The following SPART variants were observed in gnomAD, a reference collection of about 807,000 sequenced individuals.
SPART encodes spartin, also known as spastic paraplegia 20 (Troyer syndrome).
Under a neutral mutation model 58.7 loss-of-function variants are expected in SPART, and 35 were observed. That is an observed-to-expected ratio of 0.60 (90% CI 0.46 to 0.79). The LOEUF is 0.79. SPART is among the 30% of genes least tolerant of loss of function. The probability of loss-of-function intolerance (pLI) is 0.00; values close to 1 mark genes in which losing one functional copy is unlikely to be tolerated. For missense variants in SPART, 730 were observed against 786.1 expected (o/e 0.93, Z 0.85); for synonymous variants, 284 against 280.7 (o/e 1.01, Z -0.12).
chr13:36,342,241 T>C (rs1394028749), intron 1 of SPART, among the ~76,000 whole-genome samples: 1 of 152,224 alleles, frequency 6.6e-6, no homozygotes, highest in Non-Finnish European at 1.5e-5. Flanking sequence ...CTTGATGCAA[T>C]ATTACTATTA....
intron 5 of SPART, among the ~76,000 whole-genome samples, chr13:36,323,646 T>C (rs568704802): frequency 6.6e-6 from 1 of 152,342 alleles, no homozygotes; most frequent in Admixed American, 6.5e-5. Flanking sequence ...ATAGATCAGA[T>C]AATTTTCCCT....
chr13:36,304,247 GTA>G lies in SPART; in HGVS notation c.*116_*117del. The G allele has an allele frequency of 8.3e-7, 1 of 1,208,392 alleles. No homozygotes were observed. The highest frequency in any genetic ancestry group is 1.2e-6 in the Non-Finnish European group (1 of 833,416). The allele number at this position is 1,208,392 out of a possible 1,614,324, so 74.9% of individuals were successfully genotyped here. A position where few individuals can be genotyped will look rare whatever the true frequency, so the allele number is the denominator to read the frequency against. ...CCATAAAATTTATGAAAGTTAATTT[GTA>G]GGAATGAATACATTTAAAAAATACT... On this transcript the variant is annotated 3_prime_UTR_variant, in exon 9 of 9. Coordinates refer to ENST00000438666, the MANE Select transcript of SPART (RefSeq NM_015087.5).
intron 8 of SPART, 151 bp from the exon 9 acceptor site, chr13:36,304,783 C>G (rs1880343814): frequency 2.5e-6 from 2 of 789,704 alleles, no homozygotes; most frequent in Non-Finnish European, 3.9e-6. Flanking sequence ...ACTTAAAACA[C>G]AGTAGAGAAT....
intron 5 of SPART, among the ~76,000 whole-genome samples, chr13:36,315,938 A>G (rs1408639115): frequency 6.6e-6 from 1 of 152,242 alleles, no homozygotes; most frequent in Non-Finnish European, 1.5e-5. Flanking sequence ...GAAATATTAG[A>G]TGCAAATAAT....
At chr13:36,329,569 C>T in intron 3 of SPART, 52 bp from the exon 4 acceptor site, 1 of 1,578,828 alleles carries the variant, frequency 6.3e-7, no homozygotes, top group Non-Finnish European at 8.7e-7. Context: ...TCTTAGATGG[C>T]TTTCTGCCAG....
chr13:36,304,806 T>A (rs1880347677), intron 8 of SPART, among the ~76,000 whole-genome samples, 174 bp from the exon 9 acceptor site: 1 of 152,230 alleles, frequency 6.6e-6, no homozygotes, highest in Non-Finnish European at 1.5e-5. Flanking sequence ...AATCACACTC[T>A]GTGACAAAGC....
Position 36,331,500 on chromosome 13 carries a change from CT to C in SPART, c.906del (p.Ala303GlnfsTer25). ...AYMFPDTMLQ[A>X]AGCFVGVVLS... Reference sequence around the variant, plus strand: ...AGGACGACCCCCACAAAGCATCCTGCTGCTTGTAGCATTGTATCAGGAAACA... The same window carrying C: ...AGGACGACCCCCACAAAGCATCCTGCGCTTGTAGCATTGTATCAGGAAACA... On this transcript the variant is annotated frameshift_variant, in exon 3 of 9. Coordinates refer to ENST00000438666, the MANE Select transcript of SPART (RefSeq NM_015087.5). LOFTEE classifies it high-confidence loss of function. 6.2e-7 allele frequency: 1 copy of C among 1,613,928 alleles called. No homozygotes were observed. The highest frequency in any genetic ancestry group is 8.5e-7 in the Non-Finnish European group (1 of 1,179,916).
intron 1 of SPART, among the ~76,000 whole-genome samples, chr13:36,338,198 C>A (rs1423385928): frequency 6.6e-6 from 1 of 152,112 alleles, no homozygotes; most frequent in African/African-American, 2.4e-5. Flanking sequence ...ACATAAAAAT[C>A]ATTAAACTAT....
intron 1 of SPART, chr13:36,365,791 A>C (rs1335705379): frequency 3.2e-5 from 10 of 307,758 alleles, no homozygotes; most frequent in Non-Finnish European, 5.9e-5. Context: ...TGTGGAATGC[A>C]TGGGTGGACT....
chr13:36,358,967 GCTGA>G (rs1374945839), intron 1 of SPART, among the ~76,000 whole-genome samples: 1 of 152,134 alleles, frequency 6.6e-6, no homozygotes, highest in East Asian at 1.9e-4. Flanking sequence ...AAGGTCTTCT[GCTGA>G]CTGTTTTTTA....
intron 1 of SPART, chr13:36,365,810 AT>A: frequency 3.7e-6 from 1 of 273,610 alleles, no homozygotes; most frequent in Non-Finnish European, 7.6e-6. Flanking sequence ...CTAAAGACCT[AT>A]CACCTCACTC....
rs1881090823 is a variant in SPART, at chr13:36,311,445, TA to T, written c.1733+699del. Among the ~76,000 whole-genome samples, 6 of 152,360 alleles carry T rather than the reference TA, an allele frequency of 3.9e-5. No homozygotes were observed. The South Asian group carries it at 1.2e-3, about 32-fold the overall frequency. ...AATCAGAGTCAAGTAAGATGTGACA[TA>T]ATTTTTAACAGTCTGTATACCGAGT... On this transcript the variant is annotated intron_variant, in intron 8 of 8. Transcript: ENST00000438666.
At chr13:36,322,011 GAACA>G (rs879751296) in intron 5 of SPART, among the ~76,000 whole-genome samples, 2 of 151,976 alleles carry the variant, frequency 1.3e-5, no homozygotes, top group Non-Finnish European at 2.9e-5. Context: ...GCCCGCCAGA[GAACA>G]AACCCCCTTG....
chr13:36,317,989 C>T (rs1397939233), intron 5 of SPART, among the ~76,000 whole-genome samples: 1 of 152,130 alleles, frequency 6.6e-6, no homozygotes, highest in Non-Finnish European at 1.5e-5. Context: ...TAGTCTGTGC[C>T]CAGTGCAACT....
intron 1 of SPART, chr13:36,368,105 A>G (rs1886138777): frequency 2.4e-6 from 1 of 411,404 alleles, no homozygotes; most frequent in African/African-American, 2.1e-5. Flanking sequence ...TTTAAGGCTT[A>G]TCACTTTTCT....
At chr13:36,312,515 A>G (rs1881239647) in intron 6 of SPART, 38 bp from the exon 7 acceptor site, 3 of 1,595,270 alleles carry the variant, frequency 1.9e-6, no homozygotes, top group Non-Finnish European at 8.6e-7. Context: ...TAGGAAAAAT[A>G]TATTATTCCC....
intron 2 of SPART, among the ~76,000 whole-genome samples, chr13:36,333,030 T>A (rs1016699518): frequency 2.2e-4 from 34 of 151,988 alleles, no homozygotes; most frequent in Non-Finnish European, 1.3e-4. Context: ...TTCTTTTTTT[T>A]AAACTATTCC....
At chr13:36,349,351 G>T (rs1373288041), upstream of SPART, among the ~76,000 whole-genome samples, 2 of 152,210 alleles carry the variant, frequency 1.3e-5, no homozygotes, top group Non-Finnish European at 2.9e-5. Context: ...TTCCACGTAT[G>T]GTTAAGTTAC....
At chr13:36,314,475 A>T in intron 5 of SPART, 54 bp from the exon 6 acceptor site, 1 of 1,518,034 alleles carries the variant, frequency 6.6e-7, no homozygotes, top group Non-Finnish European at 9.1e-7. Context: ...TATGCTTTTG[A>T]ACACTTTAAT....
Sources: allele counts gnomAD v4.1 joint callset (sites outside exome capture counted in the v4.1 genomes callset), GRCh38; gene constraint gnomAD v4.1.1; transcripts MANE v1.5; gene names NCBI Gene and HGNC (gene_info 2026-07-23, HGNC 2026-07-21).